The following SEMA3A variants were observed in gnomAD, a reference collection of about 807,000 sequenced individuals.
The protein encoded by SEMA3A is semaphorin-3A.
A neutral mutation model predicts 97.9 loss-of-function variants in SEMA3A; 29 were observed. The observed-to-expected ratio is 0.30, with a 90% CI of 0.22 to 0.40. The LOEUF is 0.40. SEMA3A is among the 10% of genes least tolerant of loss of function. The pLI is 1.00. For missense variants in SEMA3A, 763 were observed against 951.3 expected, an observed-to-expected ratio of 0.80 and a Z score of 2.60; for synonymous variants, 321 against 323.7, an observed-to-expected ratio of 0.99 and a Z score of 0.09.
intron 1 of SEMA3A, among the ~76,000 whole-genome samples, chr7:84,146,345 G>T (rs1796462617): frequency 6.6e-6 from 1 of 152,076 alleles, no homozygotes. Context: ...GAGCATACAT[G>T]ACTTCGCCAT....
At chr7:84,271,283 G>C (rs1800146170) in intron 3 of SEMA3A, among the ~76,000 whole-genome samples, 1 of 152,006 alleles carries the variant, frequency 6.6e-6, no homozygotes, top group African/African-American at 2.4e-5. Context: ...AAACTCCTGG[G>C]CTCACGCAAT....
chr7:84,138,918 AC>A (rs1345046564), intron 1 of SEMA3A, among the ~76,000 whole-genome samples: 4 of 152,096 alleles, frequency 2.6e-5, no homozygotes, highest in Non-Finnish European at 4.4e-5. Flanking sequence ...TTAAAATCAG[AC>A]ACATTTTTTT....
At chr7:84,006,191 ATCTT>A (rs1206323203) in intron 10 of SEMA3A, among the ~76,000 whole-genome samples, 2 of 152,090 alleles carry the variant, frequency 1.3e-5, no homozygotes, top group African/African-American at 4.8e-5. Context: ...AATGCAATTA[ATCTT>A]TCTTTGGATT....
intron 6 of SEMA3A, among the ~76,000 whole-genome samples, chr7:84,032,179 G>A (rs28520141): frequency 2.6e-5 from 4 of 152,086 alleles, no homozygotes; most frequent in Non-Finnish European, 4.4e-5. Flanking sequence ...CTTGTCCTCC[G>A]AGTTGCCCCT....
chr7:84,475,697 G>T (rs1280119747), intron 1 of SEMA3A, among the ~76,000 whole-genome samples: 6 of 152,048 alleles, frequency 3.9e-5, no homozygotes, highest in African/African-American at 1.4e-4. Flanking sequence ...CAAATAATTT[G>T]TTAACTTACA....
At chr7:83,997,161 AAACT>A (rs1021697410) in intron 12 of SEMA3A, among the ~76,000 whole-genome samples, 1 of 152,192 alleles carries the variant, frequency 6.6e-6, no homozygotes, top group Non-Finnish European at 1.5e-5. Flanking sequence ...TAATATGGTA[AAACT>A]AACTGGTTGG....
At chr7:84,381,835 A>G (rs1045331209) in intron 1 of SEMA3A, among the ~76,000 whole-genome samples, 2 of 152,176 alleles carry the variant, frequency 1.3e-5, no homozygotes, top group African/African-American at 2.4e-5. Flanking sequence ...TCATTCTATG[A>G]AGAGTCTTAA....
chr7:84,403,191 C>T (rs1399418728), intron 1 of SEMA3A, among the ~76,000 whole-genome samples: 5 of 152,136 alleles, frequency 3.3e-5, no homozygotes, highest in African/African-American at 4.8e-5. Context: ...TCAGGTCACT[C>T]CCACCCTAAT....
intron 6 of SEMA3A, among the ~76,000 whole-genome samples, chr7:84,016,537 CA>C (rs60668785): frequency 0.3 from 31,105 of 102,214 alleles, 3,500 homozygotes; most frequent in African/African-American, 0.42. Flanking sequence ...GACTCTGTCT[CA>C]AAAAAAAAAA....
intron 1 of SEMA3A, among the ~76,000 whole-genome samples, chr7:84,436,132 A>G (rs531145495): frequency 6.6e-6 from 1 of 152,346 alleles, no homozygotes; most frequent in South Asian, 2.1e-4. Context: ...AGCTATATGC[A>G]GAATATTGAA....
intron 3 of SEMA3A, among the ~76,000 whole-genome samples, chr7:84,211,054 T>C (rs922691452): frequency 1.3e-5 from 2 of 152,202 alleles, no homozygotes; most frequent in Non-Finnish European, 2.9e-5. Context: ...TTTTAAAAAT[T>C]TGTTGCCTTT....
At chr7:84,088,759 G>T (rs997286041) in intron 4 of SEMA3A, among the ~76,000 whole-genome samples, 3 of 151,926 alleles carry the variant, frequency 2.0e-5, no homozygotes, top group Non-Finnish European at 2.9e-5. Context: ...AAAACTACAA[G>T]AATATGAAAT....
intron 4 of SEMA3A, among the ~76,000 whole-genome samples, chr7:84,097,576 G>C (rs1794814992): frequency 6.6e-6 from 1 of 151,958 alleles, no homozygotes; most frequent in African/African-American, 2.4e-5. Flanking sequence ...TGCTTTCAGG[G>C]ACCAAAGATA....
Position 84,429,794 on chromosome 7 carries a change from T to G in SEMA3A, c.-245-57894A>C, listed in dbSNP as rs553129811. On this transcript the variant is annotated intron_variant, in intron 1 of 3. Coordinates refer to the SEMA3A transcript ENST00000424555. ...AGGAAAGAATAGACGGTGTAAATAC[T>G]TACATAATCTTAGTTTTATTTACTG... is the stretch of plus-strand genomic sequence containing the variant. 3.3e-5 allele frequency among the ~76,000 whole-genome samples: 5 copies of G among 151,462 alleles called. No individual in the cohort carries two copies. In the East Asian group the frequency reaches 9.8e-4, roughly 30 times the overall value.
At chr7:84,163,452 A>C (rs1477518034) in intron 1 of SEMA3A, among the ~76,000 whole-genome samples, 1 of 152,072 alleles carries the variant, frequency 6.6e-6, no homozygotes, top group Non-Finnish European at 1.5e-5. Context: ...TCTGCCTATA[A>C]TTTTCAAAAA....
chr7:84,373,694 T>G (rs867876055), intron 1 of SEMA3A, among the ~76,000 whole-genome samples: 36 of 152,334 alleles, frequency 2.4e-4, no homozygotes, highest in African/African-American at 8.7e-4. Flanking sequence ...CCAAATGTGC[T>G]ACATATATTT....
intron 3 of SEMA3A, among the ~76,000 whole-genome samples, chr7:84,290,186 C>T (rs1023645954): frequency 1.3e-5 from 2 of 151,968 alleles, no homozygotes; most frequent in African/African-American, 2.4e-5. Context: ...ATTATACCAC[C>T]TTGTAAATGT....
At chr7:84,442,919 A>G (rs185886035) in intron 1 of SEMA3A, among the ~76,000 whole-genome samples, 33 of 152,296 alleles carry the variant, frequency 2.2e-4, no homozygotes, top group Middle Eastern at 6.8e-3. Context: ...ACATAAAGCT[A>G]TAACAATTAT....
intron 1 of SEMA3A, among the ~76,000 whole-genome samples, chr7:84,137,852 T>C (rs1796191509): frequency 6.6e-6 from 1 of 152,158 alleles, no homozygotes; most frequent in Non-Finnish European, 1.5e-5. Context: ...GAAGAAGTTG[T>C]AGGAAAATAA....
Sources: gnomAD v4.1 joint callset for allele counts (sites outside exome capture counted in the v4.1 genomes callset) on GRCh38, gnomAD v4.1.1 for gene constraint, MANE v1.5 for transcripts, NCBI Gene and HGNC (gene_info 2026-07-23, HGNC 2026-07-21) for gene names.